Variants in TMEM140 observed in about 807,000 individuals in gnomAD.
TMEM140 encodes transmembrane protein 140.
For missense variants in TMEM140, 236 were observed against 228.5 expected, an observed-to-expected ratio of 1.03 and a Z score of -0.21; for synonymous variants, 107 against 106.8, an observed-to-expected ratio of 1.00 and a Z score of -0.01.
At chr7:135,152,436 C>G (rs931814447) in intron 1 of TMEM140, among the ~76,000 whole-genome samples, 19 of 152,262 alleles carry the variant, frequency 1.2e-4, no homozygotes, top group Admixed American at 4.6e-4. Flanking sequence ...CCATCATTCA[C>G]TGGCTGTGTG....
At chr7:135,156,395 C>A (rs571096911) in intron 1 of TMEM140, among the ~76,000 whole-genome samples, 21 of 152,106 alleles carry the variant, frequency 1.4e-4, no homozygotes, top group African/African-American at 4.3e-4. Flanking sequence ...TTTATTCATT[C>A]TTTTTTATCC....
In TMEM140 at chr7:135,151,459, C is replaced by A. The variant is rs867013440; in HGVS notation, c.-25+3189C>A. Among the ~76,000 whole-genome samples the A allele has an allele frequency of 6.6e-6, 1 of 152,192 alleles. No individual in the cohort carries two copies. Among genetic ancestry groups the A allele is most frequent in the Non-Finnish European group, 1.5e-5 (1 of 68,030 alleles). ...TGGTGGCCTCTGACAAGTAAACCTG[C>A]GCCCTTGTTCTATGCCCTGGCAAGC... On this transcript the variant is annotated intron_variant, in intron 1 of 1. Coordinates refer to ENST00000275767, the MANE Select transcript of TMEM140 (RefSeq NM_018295.5). This position sits in a 1 kb window ranked among gnomAD's most constrained non-coding sequence, Gnocchi z 4.3.
chr7:135,160,658 G>T (rs1034057786), intron 1 of TMEM140, among the ~76,000 whole-genome samples: 1 of 151,890 alleles, frequency 6.6e-6, no homozygotes, highest in Non-Finnish European at 1.5e-5. Context: ...AGGCAGCTCT[G>T]CTGTCCTAAG....
Position 135,162,791 on chromosome 7 carries a change from G to A in TMEM140, c.-24-1627G>A, listed in dbSNP as rs182650783. Among the ~76,000 whole-genome samples, 171 of 152,318 alleles carry A rather than the reference G, an allele frequency of 1.1e-3. 1 individual carries two copies. Among genetic ancestry groups the A allele is most frequent in the Middle Eastern group, 0.01 (3 of 294 alleles). On this transcript the variant is annotated intron_variant, in intron 1 of 1. Transcript: ENST00000275767. ...ATCAGCCGAAACTTATCCCATACTG[G>A]AAAATACACATATGTAAAATACAGT...
intron 1 of TMEM140, among the ~76,000 whole-genome samples, chr7:135,156,314 C>T (rs958285924): frequency 2.0e-5 from 3 of 152,182 alleles, no homozygotes; most frequent in Non-Finnish European, 2.9e-5. Flanking sequence ...TTTCTAATCT[C>T]TCTTCCCCCT....
At chr7:135,152,974 C>G (rs1046639486) in intron 1 of TMEM140, 4 of 152,076 alleles carry the variant, frequency 2.6e-5, no homozygotes, top group African/African-American at 9.7e-5. Flanking sequence ...TACAAGAACA[C>G]AAACAACTCA....
At chr7:135,155,509 C>T (rs10272183) in intron 1 of TMEM140, among the ~76,000 whole-genome samples, 73,803 of 152,010 alleles carry the variant, frequency 0.49, 18,267 homozygotes, top group South Asian at 0.66. Context: ...GAGTTTTATA[C>T]TTCTGTATGT....
At chr7:135,163,488 T>C (rs1448687133) in intron 1 of TMEM140, among the ~76,000 whole-genome samples, 2 of 151,294 alleles carry the variant, frequency 1.3e-5, no homozygotes, top group Admixed American at 1.3e-4. Flanking sequence ...CTACCAAAAA[T>C]ACAAAAATTA....
chr7:135,164,234 A>C (rs1830022518), intron 1 of TMEM140, among the ~76,000 whole-genome samples, 184 bp from the exon 2 acceptor site: 1 of 152,214 alleles, frequency 6.6e-6, no homozygotes, highest in African/African-American at 2.4e-5. Flanking sequence ...AGGGCAGCTA[A>C]TGACTTATTT....
chr7:135,160,225 C>T (rs1585354189), intron 1 of TMEM140, among the ~76,000 whole-genome samples: 1 of 152,188 alleles, frequency 6.6e-6, no homozygotes, highest in Non-Finnish European at 1.5e-5. Context: ...TTTCTCTGCA[C>T]TTTCATGTAT....
intron 1 of TMEM140, among the ~76,000 whole-genome samples, chr7:135,155,110 TTTTAA>T (rs1159777707): frequency 6.6e-6 from 1 of 152,232 alleles, no homozygotes; most frequent in Non-Finnish European, 1.5e-5. Context: ...TTCTTACTAT[TTTTAA>T]TTTAAAGTCA....
At chr7:135,149,406 C>T (rs1338045256) in intron 1 of TMEM140, among the ~76,000 whole-genome samples, 1 of 152,020 alleles carries the variant, frequency 6.6e-6, no homozygotes, top group African/African-American at 2.4e-5. Context: ...AGTATTTTAT[C>T]CTTGATACAT....
At chr7:135,160,726 T>G (rs1284736615) in intron 1 of TMEM140, among the ~76,000 whole-genome samples, 4 of 132,348 alleles carry the variant, frequency 3.0e-5, no homozygotes, top group Admixed American at 8.1e-5. Flanking sequence ...GCATTTTCAT[T>G]CGCTCATTTA....
intron 1 of TMEM140, among the ~76,000 whole-genome samples, chr7:135,149,768 T>A (rs1169002545): frequency 6.6e-6 from 1 of 152,114 alleles, no homozygotes; most frequent in African/African-American, 2.4e-5. Context: ...AGTTACAGAA[T>A]TTTTTTTCAT....
chr7:135,150,421 C>T (rs746351767), intron 1 of TMEM140, among the ~76,000 whole-genome samples: 6 of 152,170 alleles, frequency 3.9e-5, no homozygotes, highest in Non-Finnish European at 8.8e-5. Flanking sequence ...AACTAGAGTA[C>T]AAGCTCAATG....
rs531188379 is a variant in TMEM140 at position 135,164,508 on chromosome 7, G to C, written c.67G>C (p.Val23Leu). ...LFMSIIVLVI[V>L]VICLMFYALL... is the part of the protein sequence containing the mutation. The stretch of plus-strand genomic sequence containing the variant: ...CATGAGCATCATAGTCCTCGTGATT[G>C]TGGTCATCTGCCTGATGTTTTACGC... The change falls in exon 2 of 2, where the codon GTG (valine) becomes CTG (leucine). Residue 23 changes from valine (V) to leucine (L), a missense_variant. Physicochemically the swap from Val to Leu is conservative, Grantham distance 32. Coordinates refer to ENST00000275767, the MANE Select transcript of TMEM140 (RefSeq NM_018295.5). 765 of 1,613,446 alleles carry C rather than the reference G, an allele frequency of 4.7e-4. 12 individuals are homozygous for C. In the South Asian group the frequency reaches 8.1e-3, roughly 17 times the overall value.
intron 1 of TMEM140, 141 bp downstream of exon 1, chr7:135,148,411 C>T (rs1829593508): frequency 3.2e-6 from 1 of 308,580 alleles, no homozygotes; most frequent in South Asian, 2.8e-5. Flanking sequence ...TGTGACCCTC[C>T]CTCGCTCATG....
chr7:135,159,556 G>A (rs1410541178), intron 1 of TMEM140, among the ~76,000 whole-genome samples: 1 of 152,198 alleles, frequency 6.6e-6, no homozygotes, highest in African/African-American at 2.4e-5. Context: ...ACTCTTGAGT[G>A]ACAGTGGTCA....
intron 1 of TMEM140, among the ~76,000 whole-genome samples, chr7:135,157,308 G>C (rs577032874): frequency 6.6e-6 from 1 of 152,192 alleles, no homozygotes; most frequent in Non-Finnish European, 1.5e-5. Context: ...GCAGTCGTGT[G>C]ATCTTTCTAT....
Sources: gnomAD v4.1 joint callset for allele counts (sites outside exome capture counted in the v4.1 genomes callset) on GRCh38, gnomAD v4.1.1 for gene constraint, Gnocchi (gnomAD v3.1) non-coding constraint, MANE v1.5 for transcripts, NCBI Gene and HGNC (gene_info 2026-07-23, HGNC 2026-07-21) for gene names.